The following EXT1 variants were observed in gnomAD, a reference collection of about 807,000 sequenced individuals.
The protein encoded by EXT1 is exostosin glycosyltransferase 1, also known as exostosin-1.
A neutral mutation model predicts 82.5 loss-of-function variants in EXT1; 20 were observed. The observed-to-expected ratio is 0.24, with a 90% CI of 0.17 to 0.35. EXT1 has a LOEUF of 0.35. Ranked by LOEUF, EXT1 falls within the 10% of genes least tolerant of loss-of-function variation. The pLI, the probability that EXT1 is intolerant of heterozygous loss-of-function variation, is 1.00. For missense variants in EXT1, 757 were observed against 936.5 expected, an observed-to-expected ratio of 0.81 and a Z score of 2.50; for synonymous variants, 348 against 350.8, an observed-to-expected ratio of 0.99 and a Z score of 0.09.
rs554652280 is a variant in EXT1, at chr8:117,945,179, A to G, written c.963-107978T>C. On this transcript the variant is annotated intron_variant, in intron 1 of 10. Coordinates refer to ENST00000378204, the MANE Select transcript of EXT1 (RefSeq NM_000127.3). ...TCCGTCTCAAGAAAAAAATAAAATA[A>G]AAAAGATCATCTCACTTACAGTCCC... Among the ~76,000 whole-genome samples, 200 of 152,320 alleles carry G rather than the reference A, an allele frequency of 1.3e-3. 1 individual carries two copies. The highest frequency in any genetic ancestry group is 4.4e-3 in the African/African-American group (181 of 41,566).
chr8:117,802,510 A>G (rs372640247), intron 10 of EXT1, among the ~76,000 whole-genome samples: 1 of 152,194 alleles, frequency 6.6e-6, no homozygotes, highest in Non-Finnish European at 1.5e-5. Context: ...ACAACTGCCT[A>G]CAGTATTCAG....
chr8:117,925,029 T>C (rs948397279), intron 1 of EXT1, among the ~76,000 whole-genome samples: 2 of 152,108 alleles, frequency 1.3e-5, no homozygotes, highest in Admixed American at 6.6e-5. Flanking sequence ...CATGTTTCCA[T>C]GGAGAAAAAA....
In EXT1 at chr8:118,111,438, A is replaced by G. The variant is rs1004676358; in HGVS notation, c.-392T>C. 9.4e-6 allele frequency: 5 copies of G among 533,550 alleles called. No homozygotes were observed. The highest frequency in any genetic ancestry group is 1.6e-5 in the Non-Finnish European group (5 of 304,740). The allele number at this position is 533,550 out of a possible 1,614,324, so 33.1% of individuals were successfully genotyped here. On this transcript the variant is annotated 5_prime_UTR_variant, in exon 1 of 11. Coordinates refer to ENST00000378204, the MANE Select transcript of EXT1 (RefSeq NM_000127.3). ...ACGAAGTGATTGCCTTGCCTCTCGG[A>G]TTCCTCTCGGCAGCGTGGAAAATGA...
At chr8:118,030,422 C>A (rs1364431763) in intron 1 of EXT1, among the ~76,000 whole-genome samples, 2 of 152,094 alleles carry the variant, frequency 1.3e-5, no homozygotes, top group Non-Finnish European at 2.9e-5. Flanking sequence ...ATGCTTTTAT[C>A]AGGAATAAAC....
At chr8:117,804,588 T>C (rs1206359559) in intron 10 of EXT1, 134 bp downstream of exon 10, 1 of 959,256 alleles carries the variant, frequency 1.0e-6, no homozygotes, top group African/African-American at 1.6e-5. Context: ...TTTCTAGCTT[T>C]CAGATGTAGT....
Position 118,074,156 on chromosome 8 carries a change from G to A in EXT1, c.962+35929C>T, listed in dbSNP as rs187978723. ...TTAGATAAATAACTGCGGGGACGGG[G>A]AGGGGGAGGGAAGAAGGATGGGAGA... is the stretch of plus-strand genomic sequence containing the variant. On this transcript the variant is annotated intron_variant, in intron 1 of 10. Coordinates refer to ENST00000378204, the MANE Select transcript of EXT1 (RefSeq NM_000127.3). Among the ~76,000 whole-genome samples the A allele has an allele frequency of 3.2e-3, 492 of 152,088 alleles. 3 individuals are homozygous for A. Among genetic ancestry groups the A allele is most frequent in the Admixed American group, 0.02 (308 of 15,276 alleles).
At chr8:118,083,811 T>C (rs2129986618) in intron 1 of EXT1, among the ~76,000 whole-genome samples, 1 of 152,154 alleles carries the variant, frequency 6.6e-6, no homozygotes, top group Non-Finnish European at 1.5e-5. Flanking sequence ...GCAGATCACT[T>C]GGGGTCAGGA....
chr8:117,965,242 T>A (rs955293679), intron 1 of EXT1, among the ~76,000 whole-genome samples: 1 of 152,164 alleles, frequency 6.6e-6, no homozygotes, highest in African/African-American at 2.4e-5. Flanking sequence ...TCTTTAGTCC[T>A]AAGCACAGAG....
intron 1 of EXT1, among the ~76,000 whole-genome samples, chr8:118,086,135 C>G (rs1817413288): frequency 6.6e-6 from 1 of 152,176 alleles, no homozygotes; most frequent in Non-Finnish European, 1.5e-5. Context: ...GGAAGAGGAA[C>G]ACTGTCAATC....
chr8:117,899,704 G>C (rs1181930196), intron 1 of EXT1, among the ~76,000 whole-genome samples: 1 of 152,212 alleles, frequency 6.6e-6, no homozygotes, highest in Non-Finnish European at 1.5e-5. Context: ...CTCAAGGCCT[G>C]TGTTTCAAGG....
chr8:117,804,186 T>C (rs561486537), intron 10 of EXT1, among the ~76,000 whole-genome samples: 1 of 152,312 alleles, frequency 6.6e-6, no homozygotes, highest in South Asian at 2.1e-4. Context: ...GTGGGATGAT[T>C]AGGTCATGAG....
At chr8:117,960,274 T>C (rs1814674060) in intron 1 of EXT1, among the ~76,000 whole-genome samples, 1 of 152,250 alleles carries the variant, frequency 6.6e-6, no homozygotes, top group Non-Finnish European at 1.5e-5. Flanking sequence ...TACAAAGTTG[T>C]GAATTTGTCT....
At chr8:117,877,133 C>T (rs28584193) in intron 1 of EXT1, among the ~76,000 whole-genome samples, 119 of 152,256 alleles carry the variant, frequency 7.8e-4, no homozygotes, top group African/African-American at 2.6e-3. Context: ...ATCTTTTGCA[C>T]GCTGCTTTCC....
At chr8:117,805,948 T>C (rs1330495196) in intron 9 of EXT1, among the ~76,000 whole-genome samples, 1 of 152,212 alleles carries the variant, frequency 6.6e-6, no homozygotes, top group African/African-American at 2.4e-5. Context: ...AGACTGAACC[T>C]ATATATTTTC....
At chr8:117,846,572 A>G (rs1441551672) in intron 1 of EXT1, among the ~76,000 whole-genome samples, 1 of 152,062 alleles carries the variant, frequency 6.6e-6, no homozygotes, top group Non-Finnish European at 1.5e-5. Context: ...GTGCAGGGGG[A>G]AAAGAGGGGA....
intron 1 of EXT1, among the ~76,000 whole-genome samples, chr8:117,980,077 T>TCCC (rs1220248074): frequency 7.9e-5 from 12 of 152,246 alleles, no homozygotes; most frequent in Non-Finnish European, 1.2e-4. Context: ...GTGTTACTAA[T>TCCC]TCAGAGAGGG....
At chr8:117,902,052 G>A (rs567563082) in intron 1 of EXT1, among the ~76,000 whole-genome samples, 16 of 148,686 alleles carry the variant, frequency 1.1e-4, no homozygotes, top group African/African-American at 4.0e-4. Context: ...TTTGTTAAAA[G>A]CCAAAACACA....
intron 1 of EXT1, among the ~76,000 whole-genome samples, chr8:117,950,168 G>C (rs547575142): frequency 1.3e-5 from 2 of 152,334 alleles, no homozygotes; most frequent in African/African-American, 4.8e-5. Flanking sequence ...TTGAACTTGG[G>C]AAGTGGAGGT....
Position 117,888,199 on chromosome 8 carries a change from CCAGA to C in EXT1, c.963-51002_963-50999del, listed in dbSNP as rs573846202. On this transcript the variant is annotated intron_variant, in intron 1 of 10. Coordinates refer to ENST00000378204, the MANE Select transcript of EXT1 (RefSeq NM_000127.3). ...CAAAAAGTCTGCAGACTTGCAGAAC[CCAGA>C]CAAACATGCAGTTCATAGAAATACA... Among the ~76,000 whole-genome samples, 481 of 151,812 alleles carry C rather than the reference CCAGA, an allele frequency of 3.2e-3. 4 individuals are homozygous for C. The highest frequency in any genetic ancestry group is 0.011 in the African/African-American group (457 of 41,412).
Sources: gnomAD v4.1 joint callset for allele counts (sites outside exome capture counted in the v4.1 genomes callset) on GRCh38, gnomAD v4.1.1 for gene constraint, MANE v1.5 for transcripts, NCBI Gene and HGNC (gene_info 2026-07-23, HGNC 2026-07-21) for gene names.